PLBD1: variants seen among roughly 807,000 people sequenced by gnomAD.
PLBD1 encodes the protein lysosomal leucine aminopeptidase.
In PLBD1, 60 loss-of-function variants were observed where a neutral mutation model predicts 63.0. The ratio of observed to expected loss-of-function variants is 0.95; its 90% confidence interval spans 0.77 to 1.18. The LOEUF (loss-of-function observed/expected upper bound fraction) is 1.18, where lower values mean the gene tolerates loss of function less well. Among genes scored for constraint, PLBD1 ranks in the 50% most tolerant of loss-of-function variants. The pLI, the probability that PLBD1 is intolerant of heterozygous loss-of-function variation, is 0.00. For synonymous variants in PLBD1, 262 were observed against 248.0 expected, an observed-to-expected ratio of 1.06 and a Z score of -0.53; for missense variants, 598 against 677.9, an observed-to-expected ratio of 0.88 and a Z score of 1.31.
chr12:14,538,918 C>G (rs1462719732), intron 4 of PLBD1, among the ~76,000 whole-genome samples: 1 of 152,054 alleles, frequency 6.6e-6, no homozygotes, highest in African/African-American at 2.4e-5. Context: ...CCCAGCTACT[C>G]AAGAGGCTGA....
chr12:14,542,334 T>A (rs1241463416), intron 2 of PLBD1, 43 bp from the exon 3 acceptor site: 1 of 1,453,356 alleles, frequency 6.9e-7, no homozygotes, highest in African/African-American at 1.4e-5. Context: ...ATTTTTCTTC[T>A]TGGATTTCTC....
chr12:14,549,114 A>G (rs971269657), intron 2 of PLBD1, among the ~76,000 whole-genome samples: 1 of 152,144 alleles, frequency 6.6e-6, no homozygotes, highest in African/African-American at 2.4e-5. Context: ...CTACCATCAC[A>G]CTCCATTACA....
intron 9 of PLBD1, 39 bp from the exon 10 acceptor site, chr12:14,506,307 A>G (rs558568180): frequency 1.4e-6 from 2 of 1,407,284 alleles, no homozygotes; most frequent in South Asian, 1.2e-5. Flanking sequence ...ATTATTGGCT[A>G]TTTGGAGACA....
At chr12:14,567,179 CAA>C (rs1945796211) in intron 1 of PLBD1, among the ~76,000 whole-genome samples, 1 of 152,146 alleles carries the variant, frequency 6.6e-6, no homozygotes. Context: ...GATTTTAAGC[CAA>C]AGTCAATGTA....
At chr12:14,555,809 C>T (rs949477009) in intron 1 of PLBD1, among the ~76,000 whole-genome samples, 4 of 152,206 alleles carry the variant, frequency 2.6e-5, no homozygotes, top group Non-Finnish European at 4.4e-5. Context: ...ACCTCTGTTG[C>T]AGGGAATGAC....
At chr12:14,526,050 A>AT (rs1183019046) in intron 6 of PLBD1, among the ~76,000 whole-genome samples, 2 of 152,186 alleles carry the variant, frequency 1.3e-5, no homozygotes, top group African/African-American at 4.8e-5. Context: ...CTTTGTTAAA[A>AT]TGTTTAACAC....
intron 6 of PLBD1, among the ~76,000 whole-genome samples, chr12:14,529,487 T>C (rs959093446): frequency 2.0e-5 from 3 of 152,128 alleles, no homozygotes; most frequent in Non-Finnish European, 4.4e-5. Flanking sequence ...TGAAAATCAA[T>C]CAATGTAACT....
Position 14,553,299 on chromosome 12 carries a change from T to C in PLBD1, c.229A>G (p.Thr77Ala). The change falls in exon 2 of 11, where the codon ACA becomes GCA. Residue 77 changes from threonine (T) to alanine (A), a missense_variant. Thr to Ala is a moderately conservative substitution (Grantham distance 58, BLOSUM62 0). Coordinates refer to ENST00000240617, the MANE Select transcript of PLBD1 (RefSeq NM_024829.6). ...YGFYNNSVKTTGWGILEIRAG... is the reference protein window; with the variant it reads ...YGFYNNSVKTAGWGILEIRAG... ...CTGATCTCCAGGATGCCCCAGCCTG[T>C]GGTTTTCACAGAGTTATTGTAAAAG... The C allele has an allele frequency of 6.2e-7, 1 of 1,614,192 alleles. No individual in the cohort carries two copies. The highest frequency in any genetic ancestry group is 8.5e-7 in the Non-Finnish European group (1 of 1,180,028).
At chr12:14,512,569 GA>G (rs1327671770) in intron 6 of PLBD1, among the ~76,000 whole-genome samples, 1 of 152,194 alleles carries the variant, frequency 6.6e-6, no homozygotes, top group Non-Finnish European at 1.5e-5. Context: ...GGCAACACAG[GA>G]AAATCAGTGA....
chr12:14,559,121 C>G (rs539405833), intron 1 of PLBD1, among the ~76,000 whole-genome samples: 1 of 152,268 alleles, frequency 6.6e-6, no homozygotes, highest in Non-Finnish European at 1.5e-5. Flanking sequence ...AAAACATCTT[C>G]ATGATGGGAG....
chr12:14,549,877 A>T (rs1288675697), intron 2 of PLBD1, among the ~76,000 whole-genome samples: 1 of 152,148 alleles, frequency 6.6e-6, no homozygotes, highest in East Asian at 1.9e-4. Context: ...CATGTTGGCC[A>T]GGCTGTTCTC....
intron 6 of PLBD1, among the ~76,000 whole-genome samples, chr12:14,524,438 C>A (rs562040922): frequency 6.6e-6 from 1 of 152,122 alleles, no homozygotes; most frequent in African/African-American, 2.4e-5. Context: ...AATTATATGT[C>A]ATTTAAAAAT....
Position 14,559,862 on chromosome 12 carries a change from AT to A in PLBD1, c.116-6451del, listed in dbSNP as rs567443998. Among the ~76,000 whole-genome samples, 408 of 145,022 alleles carry A rather than the reference AT, an allele frequency of 2.8e-3. 3 individuals carry two copies. The South Asian group carries it at 0.036, about 13-fold the overall frequency. On this transcript the variant is annotated intron_variant, in intron 1 of 10. Transcript: ENST00000240617. ...CTCTGATTAATATTTTATTTATTTA[AT>A]TTTTTTTTTTTTTGAGACAGAGTTT... is the stretch of plus-strand genomic sequence containing the variant.
At chr12:14,523,033 A>G (rs1945388939) in intron 6 of PLBD1, among the ~76,000 whole-genome samples, 1 of 152,100 alleles carries the variant, frequency 6.6e-6, no homozygotes, top group African/African-American at 2.4e-5. Flanking sequence ...AAAGACAAAA[A>G]GAGCATCCAA....
At chr12:14,560,940 A>G (rs557517257) in intron 1 of PLBD1, among the ~76,000 whole-genome samples, 1 of 152,154 alleles carries the variant, frequency 6.6e-6, no homozygotes, top group East Asian at 1.9e-4. Flanking sequence ...ACCTGCTCCC[A>G]TACTACAAAG....
At chr12:14,506,129 G>A in intron 10 of PLBD1, 33 bp downstream of exon 10, 1 of 1,469,524 alleles carries the variant, frequency 6.8e-7, no homozygotes, top group Non-Finnish European at 9.4e-7. Flanking sequence ...GTGTGCTGGT[G>A]GGAATTAAAT....
intron 1 of PLBD1, among the ~76,000 whole-genome samples, chr12:14,561,166 A>G (rs1189079691): frequency 1.3e-5 from 2 of 150,658 alleles, no homozygotes; most frequent in Non-Finnish European, 2.9e-5. Flanking sequence ...AGTGCAGGAC[A>G]CACTAGATAA....
chr12:14,553,233 T>A lies in PLBD1; in HGVS notation c.295A>T (p.Met99Leu). 6.2e-7 allele frequency: 1 copy of A among 1,613,904 alleles called. No homozygotes were observed. Among genetic ancestry groups the A allele is most frequent in the Non-Finnish European group, 8.5e-7 (1 of 1,179,966 alleles). The change falls in exon 2 of 11, where the codon ATG becomes TTG. Residue 99 changes from methionine to leucine, a missense_variant. By Grantham distance (15) the Met-to-Leu change is conservative (BLOSUM62 2). Transcript: ENST00000240617. Reference sequence around the variant, plus strand: ...CCCTCCAAAAAGCCAGCCACAAACATGATGATCTCATTGCTCAGGGTTTGA... The same window carrying A: ...CCCTCCAAAAAGCCAGCCACAAACAAGATGATCTCATTGCTCAGGGTTTGA... ...GSQTLSNEII[M>L]FVAGFLEGYL...
chr12:14,517,446 C>T (rs1945345459), intron 6 of PLBD1, among the ~76,000 whole-genome samples: 4 of 152,232 alleles, frequency 2.6e-5, no homozygotes, highest in South Asian at 4.1e-4. Flanking sequence ...CCACACCCAG[C>T]CGGCTCTTTC....
Sources: allele counts gnomAD v4.1 joint callset (sites outside exome capture counted in the v4.1 genomes callset), GRCh38; gene constraint gnomAD v4.1.1; transcripts MANE v1.5; gene names NCBI Gene and HGNC (gene_info 2026-07-23, HGNC 2026-07-21).